SLC9A9: variants seen among roughly 807,000 people sequenced by gnomAD.
The protein encoded by SLC9A9 is solute carrier family 9 member A9, also known as sodium/hydrogen exchanger 9.
In SLC9A9, 62 loss-of-function variants were observed where a neutral mutation model predicts 77.8. That is an observed-to-expected ratio of 0.80 (90% CI 0.65 to 0.98). SLC9A9 has a LOEUF of 0.98. Among genes scored for constraint, SLC9A9 ranks in the 50% least tolerant of loss-of-function variants. The pLI is 0.00. For missense variants in SLC9A9, 775 were observed against 774.9 expected, an observed-to-expected ratio of 1.00 and a Z score of 0.00; for synonymous variants, 320 against 283.5, an observed-to-expected ratio of 1.13 and a Z score of -1.29.
intron 12 of SLC9A9, among the ~76,000 whole-genome samples, chr3:143,448,053 G>A (rs553477225): frequency 1.3e-5 from 2 of 152,184 alleles, no homozygotes; most frequent in African/African-American, 4.8e-5. Flanking sequence ...ATTGCATCCC[G>A]TGGGACTAAG....
intron 14 of SLC9A9, among the ~76,000 whole-genome samples, chr3:143,317,044 A>T (rs1029188381): frequency 6.6e-6 from 1 of 152,196 alleles, no homozygotes; most frequent in African/African-American, 2.4e-5. Context: ...CCTGAAATAC[A>T]GTCAGCACTC....
intron 13 of SLC9A9, among the ~76,000 whole-genome samples, chr3:143,374,281 C>T (rs1176848412): frequency 4.0e-5 from 6 of 151,788 alleles, no homozygotes; most frequent in African/African-American, 1.4e-4. Flanking sequence ...AAAAATTAGC[C>T]GGGCGTGGTG....
chr3:143,700,652 C>T (rs1456465355), intron 4 of SLC9A9, among the ~76,000 whole-genome samples: 1 of 152,208 alleles, frequency 6.6e-6, no homozygotes, highest in African/African-American at 2.4e-5. Context: ...CATAGTAAAA[C>T]AGAACATCAG....
At chr3:143,845,624 C>A (rs557014619) in intron 1 of SLC9A9, among the ~76,000 whole-genome samples, 1 of 152,278 alleles carries the variant, frequency 6.6e-6, no homozygotes, top group Non-Finnish European at 1.5e-5. Flanking sequence ...AGTCCCTTCA[C>A]TTCTCTGGGA....
intron 13 of SLC9A9, among the ~76,000 whole-genome samples, chr3:143,380,572 T>C (rs1349852703): frequency 6.6e-6 from 1 of 152,204 alleles, no homozygotes; most frequent in East Asian, 1.9e-4. Context: ...AGCCCACCAG[T>C]GTAAGGAGAT....
intron 12 of SLC9A9, among the ~76,000 whole-genome samples, chr3:143,421,391 G>A (rs550028203): frequency 8.5e-5 from 13 of 152,194 alleles, no homozygotes; most frequent in South Asian, 2.1e-4. Flanking sequence ...GCAAAACAGC[G>A]TTGTACTGGT....
At chr3:143,826,528 G>A (rs1474745217) in intron 2 of SLC9A9, among the ~76,000 whole-genome samples, 1 of 152,052 alleles carries the variant, frequency 6.6e-6, no homozygotes, top group East Asian at 1.9e-4. Context: ...TCTCTACCCT[G>A]TACACAGCAG....
intron 1 of SLC9A9, among the ~76,000 whole-genome samples, chr3:143,842,458 A>G (rs1231513648): frequency 6.6e-6 from 1 of 152,226 alleles, no homozygotes; most frequent in Admixed American, 6.5e-5. Context: ...TCATTCTTCC[A>G]TTATTTTCCC....
chr3:143,754,423 C>T (rs1292650817), intron 4 of SLC9A9, among the ~76,000 whole-genome samples: 1 of 152,120 alleles, frequency 6.6e-6, no homozygotes, highest in Non-Finnish European at 1.5e-5. Context: ...TTTTCAAGCT[C>T]CCAAACACGA....
intron 9 of SLC9A9, among the ~76,000 whole-genome samples, chr3:143,551,386 G>A (rs62269777): frequency 0.13 from 19,716 of 152,134 alleles, 1,341 homozygotes; most frequent in African/African-American, 0.15. Flanking sequence ...TCATGAGTTG[G>A]TCTCTGCTGT....
intron 11 of SLC9A9, among the ~76,000 whole-genome samples, chr3:143,479,050 T>C (rs747202154): frequency 1.3e-5 from 2 of 152,164 alleles, no homozygotes; most frequent in Non-Finnish European, 2.9e-5. Context: ...CTCAGTTCTC[T>C]CAGAGGCTGG....
rs137965920 is a variant in SLC9A9 at position 143,612,129 on chromosome 3, C to A, written c.756-33406G>T. 3.0e-4 allele frequency among the ~76,000 whole-genome samples: 46 copies of A among 152,248 alleles called. No individual in the cohort carries two copies. In the East Asian group the frequency reaches 8.7e-3, roughly 29 times the overall value. ...TAGCCAAGATAGCCTCTTAGCTTGC[C>A]CCTATAGAGGGTGGGTCTCTACAGA... On this transcript the variant is annotated intron_variant, in intron 6 of 15. Coordinates refer to ENST00000316549, the MANE Select transcript of SLC9A9 (RefSeq NM_173653.4).
intron 4 of SLC9A9, among the ~76,000 whole-genome samples, chr3:143,722,189 A>T (rs1187526712): frequency 6.6e-6 from 1 of 152,104 alleles, no homozygotes; most frequent in Non-Finnish European, 1.5e-5. Context: ...ATAAGTCATC[A>T]TTGGCCGGGC....
intron 4 of SLC9A9, among the ~76,000 whole-genome samples, chr3:143,780,158 A>C (rs972125358): frequency 4.6e-5 from 7 of 152,238 alleles, no homozygotes; most frequent in Non-Finnish European, 1.0e-4. Context: ...ATTTATCTAC[A>C]TATGTTGGAA....
rs112228957 is a variant in SLC9A9 at position 143,365,908 on chromosome 3, C to A, written c.1525-2345G>T. 4.8e-3 allele frequency among the ~76,000 whole-genome samples: 738 copies of A among 152,196 alleles called. 6 individuals carry two copies. Among genetic ancestry groups the A allele is most frequent in the African/African-American group, 0.017 (705 of 41,530 alleles). On this transcript the variant is annotated intron_variant, in intron 13 of 15. Coordinates refer to ENST00000316549, the MANE Select transcript of SLC9A9 (RefSeq NM_173653.4). ...TAAACTAGTTATGAAAAGCTTGGGGCCAAGGGTTGGAACTTTCCTTTTTTC... is the reference window on the plus strand; with the variant it reads ...TAAACTAGTTATGAAAAGCTTGGGGACAAGGGTTGGAACTTTCCTTTTTTC...
intron 4 of SLC9A9, among the ~76,000 whole-genome samples, chr3:143,726,323 A>T (rs1934653040): frequency 6.6e-6 from 1 of 151,938 alleles, no homozygotes; most frequent in East Asian, 1.9e-4. Flanking sequence ...CTAACTGCAA[A>T]TGGGCTCCAA....
intron 4 of SLC9A9, among the ~76,000 whole-genome samples, chr3:143,704,775 C>G (rs1035713958): frequency 6.6e-6 from 1 of 151,898 alleles, no homozygotes; most frequent in African/African-American, 2.4e-5. Flanking sequence ...GGCAGATCAC[C>G]TGAGGTTAGG....
intron 6 of SLC9A9, among the ~76,000 whole-genome samples, chr3:143,643,994 C>G (rs1236838496): frequency 1.3e-5 from 2 of 151,218 alleles, no homozygotes; most frequent in Non-Finnish European, 2.9e-5. Flanking sequence ...AAAAAGTAAG[C>G]CTGGAGATGC....
intron 15 of SLC9A9, 82 bp from the exon 16 acceptor site, chr3:143,267,011 A>T (rs1450575129): frequency 1.3e-4 from 136 of 1,068,212 alleles, no homozygotes; most frequent in Middle Eastern, 2.0e-4. Flanking sequence ...TTTTTTTTTT[A>T]AACAGAATGC....
Sources: gnomAD v4.1 joint callset for allele counts (sites outside exome capture counted in the v4.1 genomes callset) on GRCh38, gnomAD v4.1.1 for gene constraint, MANE v1.5 for transcripts, NCBI Gene and HGNC (gene_info 2026-07-23, HGNC 2026-07-21) for gene names.